Variants in RORA observed in about 807,000 individuals in gnomAD.
RORA encodes RAR related orphan receptor A.
In RORA, 7 loss-of-function variants were observed where a neutral mutation model predicts 69.5. The observed-to-expected ratio is 0.10, with a 90% CI of 0.06 to 0.19. The LOEUF (loss-of-function observed/expected upper bound fraction) is 0.19, where lower values mean the gene tolerates loss of function less well. RORA is among the 10% of genes least tolerant of loss of function. RORA has a pLI of 1.00. For synonymous variants in RORA, 261 were observed against 240.8 expected, an observed-to-expected ratio of 1.08 and a Z score of -0.78; for missense variants, 457 against 663.0, an observed-to-expected ratio of 0.69 and a Z score of 3.41.
rs954798798 is a variant in RORA, at chr15:61,044,560, C to T, written c.166+184493G>A. On this transcript the variant is annotated intron_variant, in intron 1 of 10. Coordinates refer to ENST00000335670, the MANE Select transcript of RORA (RefSeq NM_134261.3). ...ACATGAATTACACATTAAAATTGTA[C>T]TATTTTGGATATATTGAGTTAAAAA... Among the ~76,000 whole-genome samples the T allele has an allele frequency of 2.6e-5, 4 of 152,196 alleles. No individual in the cohort carries two copies. The East Asian group carries it at 7.7e-4, about 29-fold the overall frequency.
intron 1 of RORA, among the ~76,000 whole-genome samples, chr15:61,054,577 A>C (rs2078064532): frequency 6.6e-6 from 1 of 152,220 alleles, no homozygotes; most frequent in Non-Finnish European, 1.5e-5. Context: ...AGCAATAATT[A>C]GCATCTAATA....
chr15:61,189,686 T>C (rs184704407), intron 1 of RORA, among the ~76,000 whole-genome samples: 1 of 151,706 alleles, frequency 6.6e-6, no homozygotes, highest in African/African-American at 2.4e-5. Context: ...TGAAACCCCA[T>C]CTCTACTAAA....
At chr15:60,779,711 A>C (rs947531503) in intron 1 of RORA, among the ~76,000 whole-genome samples, 4 of 152,212 alleles carry the variant, frequency 2.6e-5, no homozygotes, top group African/African-American at 9.7e-5. Context: ...GGTTTTTCTC[A>C]AGACAGTCCT....
chr15:60,900,589 A>T (rs371375239), intron 1 of RORA, among the ~76,000 whole-genome samples: 12 of 152,114 alleles, frequency 7.9e-5, no homozygotes, highest in African/African-American at 2.9e-4. Context: ...TGAGGACCAT[A>T]TGGGCTGGGT....
intron 1 of RORA, among the ~76,000 whole-genome samples, chr15:61,089,904 G>C (rs2078680688): frequency 6.6e-6 from 1 of 152,104 alleles, no homozygotes; most frequent in Non-Finnish European, 1.5e-5. Context: ...CAATTACCAG[G>C]CCAATGACCA....
chr15:60,616,299 C>T (rs965886677), intron 2 of RORA, among the ~76,000 whole-genome samples: 1 of 152,102 alleles, frequency 6.6e-6, no homozygotes, highest in Non-Finnish European at 1.5e-5. Context: ...TGCTATGACG[C>T]GTCTTCAGTG....
intron 1 of RORA, among the ~76,000 whole-genome samples, chr15:60,710,403 G>A (rs752223312): frequency 6.6e-6 from 1 of 152,110 alleles, no homozygotes; most frequent in East Asian, 1.9e-4. Context: ...CAGGAGAATC[G>A]CTTGAACCCG....
intron 1 of RORA, among the ~76,000 whole-genome samples, chr15:61,097,209 G>A (rs961768667): frequency 3.9e-5 from 6 of 152,174 alleles, no homozygotes; most frequent in African/African-American, 7.2e-5. Flanking sequence ...AGACTGACTC[G>A]CAAATAAACA....
At chr15:61,186,913 AGCCCTCTGTGCTG>A (rs895967215) in intron 1 of RORA, among the ~76,000 whole-genome samples, 22 of 152,336 alleles carry the variant, frequency 1.4e-4, no homozygotes, top group African/African-American at 3.1e-4. Flanking sequence ...AAAAGTTCAG[AGCCCTCTGTGCTG>A]GCTTCTCTTG....
intron 1 of RORA, among the ~76,000 whole-genome samples, chr15:61,169,539 G>T (rs1231447179): frequency 6.6e-6 from 1 of 151,192 alleles, no homozygotes; most frequent in East Asian, 2.0e-4. Context: ...TAAACACCAC[G>T]GCTTCAGCAG....
intron 1 of RORA, among the ~76,000 whole-genome samples, chr15:61,220,605 G>C (rs1277296489): frequency 1.3e-5 from 2 of 152,008 alleles, no homozygotes; most frequent in Non-Finnish European, 2.9e-5. Context: ...ATTTCTTCAG[G>C]TTTCTTTAAA....
intron 1 of RORA, among the ~76,000 whole-genome samples, chr15:60,970,038 C>T (rs1208752078): frequency 1.3e-5 from 2 of 152,080 alleles, no homozygotes; most frequent in Non-Finnish European, 2.9e-5. Flanking sequence ...CAAAAAGAAG[C>T]GGGGAAAGAA....
chr15:61,191,393 G>C (rs1256804873), intron 1 of RORA, among the ~76,000 whole-genome samples: 4 of 150,750 alleles, frequency 2.7e-5, no homozygotes, highest in African/African-American at 7.3e-5. Flanking sequence ...AAAGAAATCA[G>C]TTCTGATCAA....
chr15:61,215,678 G>GTA (rs932881787), intron 1 of RORA, among the ~76,000 whole-genome samples: 53 of 152,262 alleles, frequency 3.5e-4, no homozygotes, highest in African/African-American at 1.2e-3. Flanking sequence ...ATGTGGCTGT[G>GTA]TATATATATG....
intron 2 of RORA, among the ~76,000 whole-genome samples, chr15:60,634,532 G>A (rs925374528): frequency 2.0e-5 from 3 of 151,972 alleles, no homozygotes; most frequent in Non-Finnish European, 4.4e-5. Context: ...AGCCTCTGGA[G>A]TAGCTGGGAC....
chr15:60,668,811 T>G (rs2070420037), intron 2 of RORA, among the ~76,000 whole-genome samples: 1 of 152,238 alleles, frequency 6.6e-6, no homozygotes, highest in South Asian at 2.1e-4. Context: ...ATCAGGACCT[T>G]GGTATTCTTT....
At chr15:60,683,039 C>G (rs915507826) in intron 1 of RORA, among the ~76,000 whole-genome samples, 3 of 152,174 alleles carry the variant, frequency 2.0e-5, no homozygotes, top group Admixed American at 2.0e-4. Context: ...CAGACAGGTT[C>G]TCAGTGTGTT....
chr15:60,930,735 C>G (rs924107017), intron 1 of RORA, among the ~76,000 whole-genome samples: 8 of 152,290 alleles, frequency 5.3e-5, no homozygotes, highest in Admixed American at 5.2e-4. Flanking sequence ...TGGGACCCAC[C>G]TCTGTGGTTA....
chr15:60,801,263 C>T (rs949100533), intron 1 of RORA, among the ~76,000 whole-genome samples: 1 of 152,148 alleles, frequency 6.6e-6, no homozygotes, highest in Admixed American at 6.5e-5. Flanking sequence ...TAAGTAGTGG[C>T]CTCCCCCTCC....
Sources: allele counts gnomAD v4.1 joint callset (sites outside exome capture counted in the v4.1 genomes callset), GRCh38; gene constraint gnomAD v4.1.1; transcripts MANE v1.5; gene names NCBI Gene and HGNC (gene_info 2026-07-23, HGNC 2026-07-21).